SPATA31H1: variants seen among roughly 807,000 people sequenced by gnomAD.
SPATA31H1 encodes spermatogenesis-associated protein 31H1.
At chr2:27,582,378 C>T in the SPATA31H1 span, 30 of 1,614,112 alleles carry the variant, frequency 1.9e-5, no homozygotes, top group Admixed American at 4.0e-4. Context: ...CCGACGCAGT[C>T]CCCTTAAGGA....
the SPATA31H1 span, chr2:27,566,274 C>T: frequency 1.4e-6 from 1 of 716,880 alleles, no homozygotes; most frequent in Admixed American, 2.0e-5. Flanking sequence ...CATTGACATA[C>T]ACTGTTGCAT....
chr2:27,550,243 G>A, the SPATA31H1 span, among the ~76,000 whole-genome samples: 1 of 147,270 alleles, frequency 6.8e-6, no homozygotes, highest in East Asian at 2.0e-4. Flanking sequence ...TTAATGTAGA[G>A]GATAGTTTGC....
the SPATA31H1 span, chr2:27,565,565 T>C: frequency 1.2e-4 from 75 of 601,580 alleles, no homozygotes; most frequent in South Asian, 1.5e-3. Flanking sequence ...TACGGCTCCA[T>C]AATTCTTTCC....
At chr2:27,564,719 C>A in the SPATA31H1 span, among the ~76,000 whole-genome samples, 1 of 152,078 alleles carries the variant, frequency 6.6e-6, no homozygotes, top group Admixed American at 6.5e-5. Flanking sequence ...AGGAGAATCG[C>A]TTGAACCCAG....
chr2:27,566,261 T>C, the SPATA31H1 span: 1 of 713,792 alleles, frequency 1.4e-6, no homozygotes, highest in Non-Finnish European at 2.6e-6. Flanking sequence ...GAAACTTCAA[T>C]TACATTGACA....
chr2:27,565,359 A>G, the SPATA31H1 span: 1 of 717,386 alleles, frequency 1.4e-6, no homozygotes, highest in Non-Finnish European at 2.6e-6. Flanking sequence ...CATAGATTGA[A>G]AAAGATCCAG....
chr2:27,566,932 G>A, the SPATA31H1 span: 1 of 717,480 alleles, frequency 1.4e-6, no homozygotes, highest in East Asian at 2.7e-5. Flanking sequence ...TTTTCTGAAG[G>A]AACAACTTGG....
the SPATA31H1 span, chr2:27,572,225 A>C: frequency 2.5e-6 from 1 of 398,538 alleles, no homozygotes. Flanking sequence ...AGTTGACCCC[A>C]GGACCACAGT....
the SPATA31H1 span, among the ~76,000 whole-genome samples, chr2:27,563,735 A>G: frequency 6.6e-6 from 1 of 151,704 alleles, no homozygotes; most frequent in Non-Finnish European, 1.5e-5. Context: ...AATTTTTTGT[A>G]TTTTTAGTAG....
the SPATA31H1 span, chr2:27,579,536 G>A: frequency 6.2e-7 from 1 of 1,614,156 alleles, no homozygotes; most frequent in Non-Finnish European, 8.5e-7. Flanking sequence ...CCATAATACA[G>A]CAATACTCTG....
chr2:27,563,072 T>G, the SPATA31H1 span, among the ~76,000 whole-genome samples: 1 of 152,038 alleles, frequency 6.6e-6, no homozygotes, highest in East Asian at 1.9e-4. Context: ...TTTATAATTT[T>G]TATTGCTATT....
At chr2:27,544,709 A>G in the SPATA31H1 span, among the ~76,000 whole-genome samples, 1 of 151,266 alleles carries the variant, frequency 6.6e-6, no homozygotes, top group African/African-American at 2.4e-5. Context: ...TAACTTTTGT[A>G]TTTTTAGTAG....
At chr2:27,554,725 C>T in the SPATA31H1 span, among the ~76,000 whole-genome samples, 4 of 152,094 alleles carry the variant, frequency 2.6e-5, no homozygotes, top group African/African-American at 9.7e-5. Context: ...AGGCATGTGC[C>T]ATCATGCCCG....
the SPATA31H1 span, among the ~76,000 whole-genome samples, chr2:27,563,385 C>CT: frequency 0.37 from 25,186 of 67,972 alleles, 9,275 homozygotes; most frequent in Non-Finnish European, 0.45. Flanking sequence ...TCTTCTACTT[C>CT]TTTTTTTTTT....
the SPATA31H1 span, among the ~76,000 whole-genome samples, chr2:27,545,855 A>C: frequency 6.6e-6 from 1 of 151,576 alleles, no homozygotes; most frequent in Non-Finnish European, 1.5e-5. Flanking sequence ...GAGCCATTGC[A>C]CCCAGTTCAT....
At chr2:27,577,613 T>C in the SPATA31H1 span, 1 of 1,614,162 alleles carries the variant, frequency 6.2e-7, no homozygotes, top group Admixed American at 1.7e-5. The surrounding 1 kb of genome is among the most constrained non-coding windows in gnomAD (Gnocchi z 4.5). Context: ...CAGATTCTGC[T>C]TCAGGGATGA....
the SPATA31H1 span, chr2:27,578,501 G>C: frequency 1.4e-5 from 22 of 1,614,000 alleles, no homozygotes; most frequent in Non-Finnish European, 1.9e-5. Context: ...TTCAAGAACT[G>C]ATAGTACCTG....
At chr2:27,582,291 A>G in the SPATA31H1 span, 1 of 1,614,056 alleles carries the variant, frequency 6.2e-7, no homozygotes, top group African/African-American at 1.3e-5. Flanking sequence ...TTCCTGTGAG[A>G]GAACCCGTCA....
At chr2:27,545,516 T>C in the SPATA31H1 span, among the ~76,000 whole-genome samples, 1 of 152,074 alleles carries the variant, frequency 6.6e-6, no homozygotes, top group African/African-American at 2.4e-5. Flanking sequence ...AAGAATAGCG[T>C]CTGAGAATTC....
Sources: allele counts gnomAD v4.1 joint callset (sites outside exome capture counted in the v4.1 genomes callset), GRCh38; gene constraint gnomAD v4.1.1; non-coding constraint Gnocchi (gnomAD v3.1); transcripts MANE v1.5; gene names NCBI Gene and HGNC (gene_info 2026-07-23, HGNC 2026-07-21).